TMEM108: variants seen among roughly 807,000 people sequenced by gnomAD.
TMEM108 encodes cancer/testis antigen 124.
A neutral mutation model predicts 35.1 loss-of-function variants in TMEM108; 12 were observed. The ratio of observed to expected loss-of-function variants is 0.34; its 90% CI spans 0.22 to 0.55. TMEM108 has a LOEUF of 0.55. Among genes scored for constraint, TMEM108 ranks in the 20% least tolerant of loss-of-function variants. TMEM108 has a pLI of 0.89. For missense variants in TMEM108, 680 were observed against 753.3 expected (o/e 0.90, Z 1.14); for synonymous variants, 287 against 308.6 (o/e 0.93, Z 0.73).
chr3:133,112,739 T>C (rs758336387), intron 2 of TMEM108, among the ~76,000 whole-genome samples: 3 of 152,116 alleles, frequency 2.0e-5, no homozygotes, highest in Non-Finnish European at 4.4e-5. Context: ...TGTTTATCAA[T>C]TGAGAGTAAG....
chr3:133,159,885 TTC>T (rs1944936642), intron 2 of TMEM108, among the ~76,000 whole-genome samples: 1 of 152,216 alleles, frequency 6.6e-6, no homozygotes, highest in African/African-American at 2.4e-5. Context: ...TGAAATCTCT[TTC>T]TGTTTTGTCC....
intron 2 of TMEM108, among the ~76,000 whole-genome samples, chr3:133,119,724 T>G (rs1163195643): frequency 2.0e-5 from 3 of 152,222 alleles, no homozygotes; most frequent in Admixed American, 2.0e-4. Context: ...TTGGCGATGT[T>G]TTATTAGCAT....
chr3:133,192,123 G>A (rs1475513603), intron 2 of TMEM108, among the ~76,000 whole-genome samples: 1 of 152,144 alleles, frequency 6.6e-6, no homozygotes, highest in East Asian at 1.9e-4. Context: ...AAGAACCAGT[G>A]TTTGGATGCA....
At position 133,352,682 on chromosome 3, in the gene TMEM108, G is replaced by A. The variant is rs546248898; in HGVS notation, c.41-27070G>A. 1.2e-4 allele frequency among the ~76,000 whole-genome samples: 19 copies of A among 152,308 alleles called. No homozygotes were observed. The South Asian group carries it at 3.9e-3, about 32-fold the overall frequency. ...AAAGAATACAACTCAGGAACAGCCA[G>A]AAAGAAGACGTGCCTAGGGCAAGGT... On this transcript the variant is annotated intron_variant, in intron 3 of 5. Transcript: ENST00000321871.
chr3:133,252,928 A>G (rs1946492187), intron 3 of TMEM108, among the ~76,000 whole-genome samples: 1 of 152,206 alleles, frequency 6.6e-6, no homozygotes, highest in Non-Finnish European at 1.5e-5. Context: ...AAAAGACTTG[A>G]GCATTCATAA....
In TMEM108 at chr3:133,379,960, A is replaced by G; in HGVS notation, c.249A>G (p.Thr83=). The G allele has an allele frequency of 1.2e-6, 2 of 1,613,160 alleles. No individual in the cohort carries two copies. The highest frequency in any genetic ancestry group is 1.7e-6 in the Non-Finnish European group (2 of 1,179,746). ...CACAGGCTGCAGCTCCCATGGCAAC[A>G]CCGACACCCCGTGCAGAGGGGCACC... ...PPSQAAAPMA[T]PTPRAEGHPP... is the part of the protein sequence containing the mutation. Residue 83 remains threonine, a synonymous_variant, in exon 4 of 6, where the codon ACA becomes ACG. Transcript: ENST00000321871.
At chr3:133,180,649 T>C (rs983835633) in intron 2 of TMEM108, among the ~76,000 whole-genome samples, 1 of 152,170 alleles carries the variant, frequency 6.6e-6, no homozygotes, top group African/African-American at 2.4e-5. Flanking sequence ...AAATGGTAAC[T>C]TTGGTAAAAT....
At chr3:133,046,157 A>G (rs1242304313) in intron 2 of TMEM108, 137 bp downstream of exon 2, 1 of 152,638 alleles carries the variant, frequency 6.6e-6, no homozygotes, top group Non-Finnish European at 1.5e-5. Flanking sequence ...TATTGATTCA[A>G]CTCATAGATA....
At chr3:133,094,488 A>T (rs902290144) in intron 2 of TMEM108, among the ~76,000 whole-genome samples, 2 of 152,046 alleles carry the variant, frequency 1.3e-5, no homozygotes, top group Admixed American at 6.5e-5. Context: ...AAATAAATAC[A>T]TGCCTGGCCC....
intron 3 of TMEM108, among the ~76,000 whole-genome samples, chr3:133,264,383 G>A (rs1946668251): frequency 6.6e-6 from 1 of 152,120 alleles, no homozygotes; most frequent in African/African-American, 2.4e-5. Context: ...AGCCATCTAT[G>A]TTCTCTTGTC....
chr3:133,319,487 A>C (rs184552955), intron 3 of TMEM108, among the ~76,000 whole-genome samples: 2 of 152,310 alleles, frequency 1.3e-5, no homozygotes, highest in Admixed American at 1.3e-4. Flanking sequence ...AAAACATCTA[A>C]TTCCATTGCA....
intron 1 of TMEM108, among the ~76,000 whole-genome samples, chr3:133,045,559 A>G (rs1377147445): frequency 1.3e-5 from 2 of 152,236 alleles, no homozygotes; most frequent in Non-Finnish European, 2.9e-5. Context: ...ATCCACTTCT[A>G]GGAAAAAAAG....
intron 3 of TMEM108, among the ~76,000 whole-genome samples, chr3:133,333,928 T>A (rs944129091): frequency 2.0e-5 from 3 of 152,214 alleles, no homozygotes; most frequent in African/African-American, 7.2e-5. Flanking sequence ...ATTAATTGAC[T>A]CTGTAAACTT....
At chr3:133,073,510 C>CTCTCTCTT in intron 2 of TMEM108, among the ~76,000 whole-genome samples, 1 of 43,920 alleles carries the variant, frequency 2.3e-5, no homozygotes, top group Non-Finnish European at 3.9e-5. Flanking sequence ...CTCTCTCTCT[C>CTCTCTCTT]TATATATATA....
At position 133,205,626 on chromosome 3, in the gene TMEM108, C is replaced by T. The variant is rs147176794; in HGVS notation, c.-46-23640C>T. On this transcript the variant is annotated intron_variant, in intron 2 of 5. Transcript: ENST00000321871. ...TTCTTTAAGAATGTTGAATATTGAT[C>T]CCCACTCTCTTCTGGCTTGTAGGGT... 3.2e-3 allele frequency among the ~76,000 whole-genome samples: 486 copies of T among 152,278 alleles called. 2 individuals carry two copies. Among genetic ancestry groups the T allele is most frequent in the African/African-American group, 0.011 (469 of 41,550 alleles).
chr3:133,065,457 A>G (rs1289834694), intron 2 of TMEM108, among the ~76,000 whole-genome samples: 1 of 152,042 alleles, frequency 6.6e-6, no homozygotes, highest in East Asian at 1.9e-4. Context: ...CCTAGTTTTG[A>G]TATTTTGTAG....
intron 3 of TMEM108, among the ~76,000 whole-genome samples, chr3:133,361,432 T>C (rs184146030): frequency 3.3e-5 from 5 of 152,330 alleles, no homozygotes; most frequent in Admixed American, 3.3e-4. Flanking sequence ...GTGGGTTTAA[T>C]GAGGTAGCGG....
intron 2 of TMEM108, among the ~76,000 whole-genome samples, chr3:133,122,329 A>G (rs1299402695): frequency 2.0e-5 from 3 of 152,224 alleles, no homozygotes; most frequent in African/African-American, 7.2e-5. Context: ...AATGTCTAAC[A>G]CATTTAAAGT....
intron 3 of TMEM108, among the ~76,000 whole-genome samples, chr3:133,321,364 C>A (rs1041186616): frequency 1.3e-5 from 2 of 151,974 alleles, no homozygotes; most frequent in Non-Finnish European, 2.9e-5. Context: ...GCAAGAGTAG[C>A]GATTCTTATA....
Sources: gnomAD v4.1 joint callset for allele counts (sites outside exome capture counted in the v4.1 genomes callset) on GRCh38, gnomAD v4.1.1 for gene constraint, MANE v1.5 for transcripts, NCBI Gene and HGNC (gene_info 2026-07-23, HGNC 2026-07-21) for gene names.